SLC1A4: variants seen among roughly 807,000 people sequenced by gnomAD.
SLC1A4 encodes the protein solute carrier family 1 member 4, also known as neutral amino acid transporter A.
Under a neutral mutation model 37.7 loss-of-function variants are expected in SLC1A4, and 19 were observed. That is an observed-to-expected ratio of 0.50 (90% CI 0.35 to 0.74). The LOEUF (loss-of-function observed/expected upper bound fraction) is 0.74. Among genes scored for constraint, SLC1A4 ranks in the 30% least tolerant of loss-of-function variants. The pLI, the probability that SLC1A4 is intolerant of heterozygous loss-of-function variation, is 0.01. For missense variants in SLC1A4, 570 were observed against 712.9 expected, an observed-to-expected ratio of 0.80 and a Z score of 2.28; for synonymous variants, 299 against 309.8, an observed-to-expected ratio of 0.97 and a Z score of 0.37.
chr2:65,013,848 G>A (rs1248943094), intron 4 of SLC1A4, among the ~76,000 whole-genome samples: 2 of 152,124 alleles, frequency 1.3e-5, no homozygotes, highest in Non-Finnish European at 2.9e-5. Flanking sequence ...ATTAAACCCA[G>A]AGTCAGCCAA....
chr2:65,016,723 A>G (rs1290571864), intron 5 of SLC1A4, 50 bp downstream of exon 5: 2 of 1,254,910 alleles, frequency 1.6e-6, no homozygotes, highest in Non-Finnish European at 2.3e-6. Context: ...TTAACATGGA[A>G]CCAGGTGAGC....
chr2:64,996,531 G>T (rs1325517966), intron 1 of SLC1A4, among the ~76,000 whole-genome samples: 1 of 152,192 alleles, frequency 6.6e-6, no homozygotes, highest in Non-Finnish European at 1.5e-5. Context: ...CCTGACTTCT[G>T]GACTCTGGAT....
At chr2:64,991,850 C>G (rs936959904) in intron 1 of SLC1A4, among the ~76,000 whole-genome samples, 4 of 152,156 alleles carry the variant, frequency 2.6e-5, no homozygotes, top group African/African-American at 9.7e-5. Context: ...AGCCACCCGC[C>G]TCGGCCTCCC....
At chr2:65,009,030 C>T (rs765468562) in intron 3 of SLC1A4, among the ~76,000 whole-genome samples, 2 of 152,134 alleles carry the variant, frequency 1.3e-5, no homozygotes, top group Admixed American at 6.5e-5. Flanking sequence ...TAAACAAAAG[C>T]GCCCTATACG....
chr2:65,007,558 T>C (rs1398934377), intron 3 of SLC1A4, among the ~76,000 whole-genome samples: 1 of 152,172 alleles, frequency 6.6e-6, no homozygotes, highest in African/African-American at 2.4e-5. Flanking sequence ...AGTCATTTCA[T>C]TGGAAAAATT....
chr2:64,990,266 T>G, intron 1 of SLC1A4, 96 bp downstream of exon 1: 1 of 1,173,324 alleles, frequency 8.5e-7, no homozygotes, highest in Non-Finnish European at 1.2e-6. Context: ...CTCCTAAGAG[T>G]TAATTCTTAG....
chr2:65,020,892 G>C lies in SLC1A4; in HGVS notation c.1365-20G>C, dbSNP rs1418878926. 1 of 1,602,884 alleles carries C rather than the reference G, an allele frequency of 6.2e-7. No homozygotes were observed. Among genetic ancestry groups the C allele is most frequent in the African/African-American group, 1.3e-5 (1 of 74,702 alleles). On this transcript the variant is annotated intron_variant, in intron 7 of 7. Coordinates refer to ENST00000234256, the MANE Select transcript of SLC1A4 (RefSeq NM_003038.5). The stretch of plus-strand genomic sequence containing the variant: ...TCGCCCAGCAGTAGATATAATAGCT[G>C]CCTCTTCTTTTCCCACCAGGGACCG...
Position 65,010,689 on chromosome 2 carries a change from C to T in SLC1A4, c.726C>T (p.Ser242=), listed in dbSNP as rs755568390. 2.5e-5 allele frequency: 41 copies of T among 1,613,988 alleles called. No individual in the cohort carries two copies. Among genetic ancestry groups the T allele is most frequent in the Non-Finnish European group, 3.1e-5 (36 of 1,180,004 alleles). The change falls in exon 4 of 8, where the codon TCC becomes TCT. Residue 242 remains serine (S), a synonymous_variant. Transcript: ENST00000234256. ...VLGVALKKLG[S]EGEDLIRFFN... is the part of the protein sequence containing the mutation. ...GAGTGGCCTTAAAGAAACTAGGCTC[C>T]GAAGGAGAAGACCTCATCCGTTTCT...
At position 65,018,974 on chromosome 2, in the gene SLC1A4, A is replaced by T. The variant is rs908903252; in HGVS notation, c.1364+295A>T. ...GGCCCTCAGCGCAGGCCCAAGGGAC[A>T]CGAGGGTCTATGGAGTTGCTGACTG... On this transcript the variant is annotated intron_variant, in intron 7 of 7. Coordinates refer to ENST00000234256, the MANE Select transcript of SLC1A4 (RefSeq NM_003038.5). The surrounding 1 kb of genome is among the most constrained non-coding windows in gnomAD (Gnocchi z 4.3). 6.6e-6 allele frequency among the ~76,000 whole-genome samples: 1 copy of T among 152,254 alleles called. No individual in the cohort carries two copies. The highest frequency in any genetic ancestry group is 2.4e-5 in the African/African-American group (1 of 41,468).
At chr2:64,999,364 A>C (rs986569552) in intron 1 of SLC1A4, 1 of 152,222 alleles carries the variant, frequency 6.6e-6, no homozygotes, top group Admixed American at 6.5e-5. Context: ...GCTGTGTTGC[A>C]GGCTGTGTAT....
chr2:64,994,551 G>A (rs1028437855), intron 1 of SLC1A4, among the ~76,000 whole-genome samples: 3 of 152,058 alleles, frequency 2.0e-5, no homozygotes, highest in African/African-American at 7.2e-5. Flanking sequence ...TTTTTTCACT[G>A]CTCGTGCTAA....
In SLC1A4 at chr2:65,022,036, G is replaced by A. The variant is rs1433777407; in HGVS notation, c.*890G>A. On this transcript the variant is annotated 3_prime_UTR_variant, in exon 8 of 8. Coordinates refer to ENST00000234256, the MANE Select transcript of SLC1A4 (RefSeq NM_003038.5). ...GGCCAGAGATGGGCCTCCTTCCCTGGGGAGGTGTGATGTAGTTATCACATT... is the reference window on the plus strand; with the variant it reads ...GGCCAGAGATGGGCCTCCTTCCCTGAGGAGGTGTGATGTAGTTATCACATT... 1 of 152,260 alleles carries A rather than the reference G, an allele frequency of 6.6e-6. No homozygotes were observed. Among genetic ancestry groups the A allele is most frequent in the Non-Finnish European group, 1.5e-5 (1 of 68,066 alleles). The allele number at this position is 152,260 out of a possible 1,614,324, so 9.4% of individuals were successfully genotyped here. A position where few individuals can be genotyped will look rare whatever the true frequency, so the allele number is the denominator to read the frequency against.
chr2:65,014,475 T>G (rs934302333), intron 4 of SLC1A4, among the ~76,000 whole-genome samples: 1 of 152,204 alleles, frequency 6.6e-6, no homozygotes, highest in African/African-American at 2.4e-5. Flanking sequence ...TGATCAGTCT[T>G]TGTGGGAGGC....
chr2:65,012,921 G>A (rs528592739), intron 4 of SLC1A4, among the ~76,000 whole-genome samples: 3 of 152,264 alleles, frequency 2.0e-5, no homozygotes, highest in South Asian at 4.2e-4. Context: ...AAAACTGATT[G>A]TATTAGTCCG....
At chr2:64,989,133 G>A (rs1179180802), upstream of SLC1A4, among the ~76,000 whole-genome samples, 2 of 151,872 alleles carry the variant, frequency 1.3e-5, no homozygotes, top group Non-Finnish European at 2.9e-5. Flanking sequence ...CGGGCGGGTA[G>A]GCGGCTATTG....
At chr2:65,015,597 A>G (rs188178400) in intron 4 of SLC1A4, among the ~76,000 whole-genome samples, 462 of 152,296 alleles carry the variant, frequency 3.0e-3, no homozygotes, top group Admixed American at 7.3e-3. Flanking sequence ...TTAATTAATA[A>G]TTACTGCTTA....
chr2:65,004,013 A>G lies in SLC1A4; in HGVS notation c.631A>G (p.Lys211Glu). 1 of 1,610,352 alleles carries G rather than the reference A, an allele frequency of 6.2e-7. No homozygotes were observed. Among genetic ancestry groups the G allele is most frequent in the South Asian group, 1.1e-5 (1 of 91,010 alleles). The change falls in exon 3 of 8, where the codon AAG becomes GAG. Residue 211 changes from lysine to glutamate, a missense_variant and splice_region_variant. Physicochemically the swap from Lys to Glu is moderately conservative, Grantham distance 56. Transcript: ENST00000234256. ...CAGCTCTGGAAATGTAACCCATGAA[A>G]AGGTAAAGCTTTTTATAAGGTCACT... ...NSSSGNVTHE[K>E]IPIGTEIEGM... is the part of the protein sequence containing the mutation.
chr2:64,990,149 A>T lies in SLC1A4; in HGVS notation c.506A>T (p.Asp169Val). ...GPPPVPKETV[D>V]SFLDLARNLF... ...CCTCCTGTCCCCAAAGAGACGGTGG[A>T]CTCTTTCCTCGACCTGGCCAGGTAA... Residue 169 changes from aspartate (D) to valine (V), a missense_variant, in exon 1 of 8, where the codon GAC becomes GTC. Asp to Val is a radical substitution (Grantham distance 152). Transcript: ENST00000234256. 6.2e-7 allele frequency: 1 copy of T among 1,602,892 alleles called. No homozygotes were observed. Among genetic ancestry groups the T allele is most frequent in the Non-Finnish European group, 8.5e-7 (1 of 1,174,830 alleles).
chr2:65,015,949 G>A (rs568450061), intron 4 of SLC1A4, among the ~76,000 whole-genome samples: 1 of 152,310 alleles, frequency 6.6e-6, no homozygotes, highest in East Asian at 1.9e-4. Context: ...ACGGAATCAT[G>A]TTGTCTAAGC....
Sources: allele counts gnomAD v4.1 joint callset (sites outside exome capture counted in the v4.1 genomes callset), GRCh38; gene constraint gnomAD v4.1.1; non-coding constraint Gnocchi (gnomAD v3.1); transcripts MANE v1.5; gene names NCBI Gene and HGNC (gene_info 2026-07-23, HGNC 2026-07-21).